The following DLG2 variants were observed in gnomAD, a reference collection of about 807,000 sequenced individuals.
The protein encoded by DLG2 is disks large homolog 2.
Under a neutral mutation model 132.5 loss-of-function variants are expected in DLG2, and 45 were observed. That is an observed-to-expected ratio of 0.34 (90% CI 0.27 to 0.44). The LOEUF (loss-of-function observed/expected upper bound fraction) is 0.44. Ranked by LOEUF, DLG2 falls within the 20% of genes least tolerant of loss-of-function variation. The pLI is 1.00. For missense variants in DLG2, 1,045 were observed against 1,196.9 expected (o/e 0.87, Z 1.87); for synonymous variants, 424 against 419.6 (o/e 1.01, Z -0.13).
At chr11:84,074,876 T>G (rs2096805813) in intron 10 of DLG2, among the ~76,000 whole-genome samples, 1 of 152,162 alleles carries the variant, frequency 6.6e-6, no homozygotes, top group African/African-American at 2.4e-5. Context: ...AATCATCCCT[T>G]ACTTAAGACC....
chr11:85,116,348 G>A (rs576818198), intron 5 of DLG2, among the ~76,000 whole-genome samples: 2 of 151,878 alleles, frequency 1.3e-5, no homozygotes, highest in African/African-American at 4.8e-5. Context: ...GAGGAAAAAC[G>A]ACTCAGAAAG....
chr11:83,737,965 C>G (rs1158998756), intron 18 of DLG2, among the ~76,000 whole-genome samples: 1 of 152,100 alleles, frequency 6.6e-6, no homozygotes, highest in Non-Finnish European at 1.5e-5. Context: ...ACCTGTGCCC[C>G]CTTGCTCTCC....
intron 3 of DLG2, among the ~76,000 whole-genome samples, chr11:85,463,299 T>C (rs1012810497): frequency 6.6e-6 from 1 of 152,170 alleles, no homozygotes; most frequent in Non-Finnish European, 1.5e-5. Flanking sequence ...GAAAGTTCAA[T>C]CAGAAGAAAA....
At chr11:84,403,057 T>C (rs1251858697) in intron 7 of DLG2, among the ~76,000 whole-genome samples, 1 of 152,114 alleles carries the variant, frequency 6.6e-6, no homozygotes, top group Non-Finnish European at 1.5e-5. Flanking sequence ...GACTGTGTTT[T>C]TTTTTAATAT....
intron 6 of DLG2, among the ~76,000 whole-genome samples, chr11:84,703,437 C>T (rs906583056): frequency 1.3e-5 from 2 of 151,392 alleles, no homozygotes; most frequent in Non-Finnish European, 3.0e-5. Context: ...CCAAGATAAG[C>T]AGTGGGTGCT....
intron 9 of DLG2, among the ~76,000 whole-genome samples, chr11:84,100,790 G>A (rs1001517505): frequency 6.6e-6 from 1 of 152,066 alleles, no homozygotes; most frequent in Non-Finnish European, 1.5e-5. Context: ...GTCAAGATAA[G>A]ATCAGCTATA....
intron 4 of DLG2, among the ~76,000 whole-genome samples, chr11:85,163,997 A>G (rs1196087882): frequency 2.0e-5 from 3 of 152,152 alleles, no homozygotes; most frequent in South Asian, 4.1e-4. Context: ...ATTGAAGCTT[A>G]TTTAGCATTC....
At chr11:84,563,904 G>A (rs2099438494) in intron 6 of DLG2, among the ~76,000 whole-genome samples, 1 of 152,042 alleles carries the variant, frequency 6.6e-6, no homozygotes, top group African/African-American at 2.4e-5. Flanking sequence ...GTGCTGTGGA[G>A]ACACACTGAA....
chr11:85,137,140 G>C (rs2076186298), intron 5 of DLG2, among the ~76,000 whole-genome samples: 1 of 152,026 alleles, frequency 6.6e-6, no homozygotes, highest in Non-Finnish European at 1.5e-5. Context: ...ATCTATAATG[G>C]AGAAGGGCAA....
At chr11:84,193,611 C>G (rs1218598232) in intron 8 of DLG2, among the ~76,000 whole-genome samples, 1 of 152,064 alleles carries the variant, frequency 6.6e-6, no homozygotes, top group Non-Finnish European at 1.5e-5. Flanking sequence ...TTGATTAAAC[C>G]TCATATTTGA....
At chr11:85,013,820 G>A (rs749677342) in intron 6 of DLG2, among the ~76,000 whole-genome samples, 17 of 152,088 alleles carry the variant, frequency 1.1e-4, no homozygotes, top group African/African-American at 1.7e-4. Context: ...GGCAGATGAC[G>A]TTCATGTGAG....
At chr11:84,999,683 A>C (rs1176127342) in intron 6 of DLG2, among the ~76,000 whole-genome samples, 1 of 152,156 alleles carries the variant, frequency 6.6e-6, no homozygotes, top group African/African-American at 2.4e-5. Context: ...GGTTAATGAA[A>C]GAGGTGGAGC....
chr11:84,867,370 G>A (rs2084737806), intron 6 of DLG2, among the ~76,000 whole-genome samples: 1 of 152,214 alleles, frequency 6.6e-6, no homozygotes, highest in Non-Finnish European at 1.5e-5. Context: ...GAGCCATGGT[G>A]AACAGAGACA....
intron 6 of DLG2, among the ~76,000 whole-genome samples, chr11:84,596,425 G>C (rs944858583): frequency 6.9e-5 from 10 of 145,060 alleles, no homozygotes; most frequent in Non-Finnish European, 1.2e-4. Flanking sequence ...GTTTCGACAC[G>C]TTGGCCAGGC....
intron 3 of DLG2, among the ~76,000 whole-genome samples, chr11:85,339,114 T>G (rs867192291): frequency 6.6e-6 from 1 of 152,162 alleles, no homozygotes; most frequent in African/African-American, 2.4e-5. Flanking sequence ...AATATTATAT[T>G]TTTCTTTTGA....
At chr11:85,580,183 C>A (rs1386389131) in intron 3 of DLG2, among the ~76,000 whole-genome samples, 3 of 152,180 alleles carry the variant, frequency 2.0e-5, no homozygotes, top group Non-Finnish European at 4.4e-5. Context: ...GAGGCCTCCC[C>A]AGCCACATGG....
At chr11:84,966,768 G>T (rs981719975) in intron 6 of DLG2, among the ~76,000 whole-genome samples, 2 of 152,088 alleles carry the variant, frequency 1.3e-5, no homozygotes, top group African/African-American at 2.4e-5. Flanking sequence ...AAATTGGAAA[G>T]AACATCACAT....
At chr11:84,066,482 G>A (rs574944492) in intron 10 of DLG2, among the ~76,000 whole-genome samples, 21 of 152,280 alleles carry the variant, frequency 1.4e-4, no homozygotes, top group Middle Eastern at 3.4e-3. Context: ...GTTTGGGGCC[G>A]GGAGCGATGG....
rs566322399 is a variant in DLG2, at chr11:84,092,184, C to T, written c.749+6739G>A. Among the ~76,000 whole-genome samples the T allele has an allele frequency of 2.0e-5, 3 of 152,280 alleles. No individual in the cohort carries two copies. The South Asian group carries it at 6.2e-4, about 32-fold the overall frequency. ...TCTGATCATATTCACAGGTCCTGTC[C>T]ACATTCGAAGGAAAGGGATGTAGGT... is the stretch of plus-strand genomic sequence containing the variant. On this transcript the variant is annotated intron_variant, in intron 10 of 27. Transcript: ENST00000376104.
Sources: allele counts gnomAD v4.1 joint callset (sites outside exome capture counted in the v4.1 genomes callset), GRCh38; gene constraint gnomAD v4.1.1; transcripts MANE v1.5; gene names NCBI Gene and HGNC (gene_info 2026-07-23, HGNC 2026-07-21).